Variants in FGF14 observed in about 807,000 individuals in gnomAD.
FGF14 encodes fibroblast growth factor homologous factor 4.
A neutral mutation model predicts 25.5 loss-of-function variants in FGF14; 5 were observed. The ratio of observed to expected loss-of-function variants is 0.20; its 90% CI spans 0.10 to 0.41. The LOEUF (loss-of-function observed/expected upper bound fraction) is 0.41, where lower values mean the gene tolerates loss of function less well. FGF14 is among the 10% of genes least tolerant of loss of function. FGF14 has a pLI of 1.00. For synonymous variants in FGF14, 138 were observed against 118.3 expected, an observed-to-expected ratio of 1.17 and a Z score of -1.08; for missense variants, 222 against 320.1, an observed-to-expected ratio of 0.69 and a Z score of 2.34.
chr13:101,955,993 A>T (rs902751707), intron 1 of FGF14, among the ~76,000 whole-genome samples: 1 of 152,238 alleles, frequency 6.6e-6, no homozygotes, highest in Admixed American at 6.5e-5. Context: ...TTTTCATTTA[A>T]GTATTTGGCA....
intron 3 of FGF14, among the ~76,000 whole-genome samples, chr13:101,729,284 T>C (rs1220793344): frequency 6.6e-6 from 1 of 152,164 alleles, no homozygotes. Context: ...AAAGATGTTA[T>C]TGTCTAATAC....
At chr13:102,089,277 A>T (rs1227003454) in intron 1 of FGF14, among the ~76,000 whole-genome samples, 1 of 152,170 alleles carries the variant, frequency 6.6e-6, no homozygotes, top group Admixed American at 6.5e-5. Context: ...GCTCCTATGT[A>T]AAAAGGGTAG....
In FGF14 at chr13:102,113,229, C is replaced by T. The variant is rs10508084; in HGVS notation, c.209-237933G>A. Reference sequence around the variant, plus strand: ...TTTGCTGGTATAACAGTTAAAAGATCAGAATCAGTTTGCAAGAGGAACCAC... The same window carrying T: ...TTTGCTGGTATAACAGTTAAAAGATTAGAATCAGTTTGCAAGAGGAACCAC... On this transcript the variant is annotated intron_variant, in intron 1 of 4. Coordinates refer to the FGF14 transcript ENST00000376131. Among the ~76,000 whole-genome samples the T allele has an allele frequency of 2.0e-5, 3 of 152,076 alleles. No individual in the cohort carries two copies. The South Asian group carries it at 6.2e-4, about 31-fold the overall frequency.
intron 1 of FGF14, among the ~76,000 whole-genome samples, chr13:102,142,637 G>C (rs2046690218): frequency 6.6e-6 from 1 of 152,148 alleles, no homozygotes; most frequent in Non-Finnish European, 1.5e-5. Context: ...AGGTAGAAAG[G>C]GTAGCAAGGT....
intron 3 of FGF14, among the ~76,000 whole-genome samples, chr13:101,844,347 T>A (rs1261838706): frequency 6.6e-6 from 1 of 152,040 alleles, no homozygotes; most frequent in Non-Finnish European, 1.5e-5. Context: ...AAGACACCAT[T>A]CCTTGAAACT....
At chr13:102,233,305 T>C (rs2051169284) in intron 1 of FGF14, among the ~76,000 whole-genome samples, 1 of 152,084 alleles carries the variant, frequency 6.6e-6, no homozygotes, top group Admixed American at 6.5e-5. Context: ...CTAATTTTTG[T>C]ATTTTTAGTA....
intron 1 of FGF14, among the ~76,000 whole-genome samples, chr13:102,350,611 T>G (rs538009428): frequency 8.5e-5 from 13 of 152,296 alleles, no homozygotes; most frequent in African/African-American, 3.1e-4. Context: ...AAGTCCTCTT[T>G]GTACTTGGCA....
At chr13:101,780,569 C>T (rs1446257545) in intron 3 of FGF14, among the ~76,000 whole-genome samples, 1 of 152,162 alleles carries the variant, frequency 6.6e-6, no homozygotes, top group African/African-American at 2.4e-5. Flanking sequence ...GTGTCTTTGT[C>T]TAAATGACAG....
chr13:101,883,055 C>G (rs1322109108), intron 1 of FGF14, among the ~76,000 whole-genome samples: 1 of 152,018 alleles, frequency 6.6e-6, no homozygotes, highest in Non-Finnish European at 1.5e-5. Context: ...TTTAACCAGA[C>G]AGGAAAAACA....
At chr13:102,242,024 G>A (rs1396317674) in intron 1 of FGF14, among the ~76,000 whole-genome samples, 1 of 152,058 alleles carries the variant, frequency 6.6e-6, no homozygotes, top group East Asian at 1.9e-4. Context: ...TTGATTTGAA[G>A]TTAAACCCCT....
intron 1 of FGF14, among the ~76,000 whole-genome samples, chr13:101,876,856 A>G (rs2045425108): frequency 6.6e-6 from 1 of 152,190 alleles, no homozygotes; most frequent in South Asian, 2.1e-4. Flanking sequence ...TGACTGGGCT[A>G]AGTACTAAAG....
intron 1 of FGF14, among the ~76,000 whole-genome samples, chr13:101,964,492 T>A (rs1332775126): frequency 6.6e-6 from 1 of 152,138 alleles, no homozygotes. Context: ...AATCCTGTCT[T>A]GTGACATTGC....
intron 1 of FGF14, among the ~76,000 whole-genome samples, chr13:102,208,329 T>C (rs16959954): frequency 0.034 from 5,143 of 152,316 alleles, 278 homozygotes; most frequent in African/African-American, 0.12. Flanking sequence ...GGAGCATTTG[T>C]GTTGGTTGTG....
At chr13:102,026,250 G>A (rs983124611) in intron 1 of FGF14, among the ~76,000 whole-genome samples, 5 of 152,026 alleles carry the variant, frequency 3.3e-5, no homozygotes, top group African/African-American at 1.2e-4. Flanking sequence ...ATTGAAGAAT[G>A]TATGTACGTA....
At chr13:102,259,459 G>A (rs1026769479) in intron 1 of FGF14, among the ~76,000 whole-genome samples, 1 of 152,076 alleles carries the variant, frequency 6.6e-6, no homozygotes, top group Admixed American at 6.5e-5. Context: ...TTCCCTGACT[G>A]CAACCTTGGT....
intron 1 of FGF14, among the ~76,000 whole-genome samples, chr13:102,308,991 T>C (rs577102199): frequency 6.7e-6 from 1 of 149,828 alleles, no homozygotes; most frequent in East Asian, 2.0e-4. Context: ...AGAAATGTAG[T>C]GAGTTTTCCA....
intron 4 of FGF14, among the ~76,000 whole-genome samples, chr13:101,726,222 A>C (rs2139685468): frequency 6.6e-6 from 1 of 152,194 alleles, no homozygotes; most frequent in South Asian, 2.1e-4. Flanking sequence ...CACGCTCAAA[A>C]CTTATTTTTT....
At chr13:102,091,459 ACC>A (rs146351022) in intron 1 of FGF14, among the ~76,000 whole-genome samples, 59,073 of 151,682 alleles carry the variant, frequency 0.39, 13,477 homozygotes, top group Non-Finnish European at 0.51. Flanking sequence ...TGCTTCAGTC[ACC>A]CCCCACCAAC....
intron 1 of FGF14, among the ~76,000 whole-genome samples, chr13:101,963,275 A>G (rs1011250045): frequency 3.9e-5 from 6 of 152,022 alleles, no homozygotes; most frequent in Non-Finnish European, 5.9e-5. Context: ...TAATTCCCCC[A>G]TTTTATTTAT....
Sources: allele counts gnomAD v4.1 joint callset (sites outside exome capture counted in the v4.1 genomes callset), GRCh38; gene constraint gnomAD v4.1.1; transcripts MANE v1.5; gene names NCBI Gene and HGNC (gene_info 2026-07-23, HGNC 2026-07-21).